SMC1B: variants seen among roughly 807,000 people sequenced by gnomAD.
SMC1B encodes structural maintenance of chromosomes 1B.
SMC1B carries 60 observed loss-of-function variants against 157.9 expected under a neutral mutation model. The observed-to-expected ratio is 0.38, with a 90% CI of 0.31 to 0.47. The LOEUF is 0.47. Among genes scored for constraint, SMC1B ranks in the 20% least tolerant of loss-of-function variants. The pLI is 0.99. For missense variants in SMC1B, 1,165 were observed against 1,426.2 expected, an observed-to-expected ratio of 0.82 and a Z score of 2.95; for synonymous variants, 445 against 483.0, an observed-to-expected ratio of 0.92 and a Z score of 1.03.
intron 19 of SMC1B, 42 bp downstream of exon 19, chr22:45,358,655 C>T (rs549625994): frequency 2.0e-5 from 23 of 1,137,314 alleles, no homozygotes; most frequent in African/African-American, 1.7e-4. Context: ...TTAAATATTC[C>T]GTATTACTGT....
At chr22:45,384,001 T>C (rs1375593513) in intron 11 of SMC1B, among the ~76,000 whole-genome samples, 1 of 152,206 alleles carries the variant, frequency 6.6e-6, no homozygotes, top group Non-Finnish European at 1.5e-5. Flanking sequence ...TTCACAGAAC[T>C]GGTATAAATT....
At chr22:45,407,871 T>C (rs572861814) in intron 2 of SMC1B, among the ~76,000 whole-genome samples, 1 of 152,302 alleles carries the variant, frequency 6.6e-6, no homozygotes, top group South Asian at 2.1e-4. Flanking sequence ...CACTGGTCTC[T>C]TTTCTATCCA....
intron 19 of SMC1B, among the ~76,000 whole-genome samples, chr22:45,356,429 T>C (rs2086670577): frequency 6.6e-6 from 1 of 152,234 alleles, no homozygotes; most frequent in African/African-American, 2.4e-5. Flanking sequence ...GAGACAGGTC[T>C]CAATCAATTT....
intron 6 of SMC1B, among the ~76,000 whole-genome samples, chr22:45,396,699 A>G (rs2087128685): frequency 6.6e-6 from 1 of 151,010 alleles, no homozygotes; most frequent in Admixed American, 6.6e-5. Context: ...ATTTATTTAT[A>G]TTTGAAACTT....
At chr22:45,355,329 C>T (rs371809380) in intron 19 of SMC1B, among the ~76,000 whole-genome samples, 11 of 152,146 alleles carry the variant, frequency 7.2e-5, no homozygotes, top group African/African-American at 2.4e-4. Context: ...CATTTCAGCT[C>T]ATTTTTTAAT....
intron 17 of SMC1B, among the ~76,000 whole-genome samples, chr22:45,360,500 A>G (rs2086710964): frequency 6.6e-6 from 1 of 152,198 alleles, no homozygotes; most frequent in African/African-American, 2.4e-5. Context: ...GTTTTTCAAG[A>G]ATATGAAGGG....
chr22:45,347,644 A>G (rs934376333), intron 23 of SMC1B, among the ~76,000 whole-genome samples: 119 of 152,302 alleles, frequency 7.8e-4, no homozygotes, highest in African/African-American at 2.7e-3. Flanking sequence ...AATAGAGACA[A>G]GGTCTCACTA....
chr22:45,368,954 C>A (rs2086802529), intron 15 of SMC1B, among the ~76,000 whole-genome samples: 1 of 152,092 alleles, frequency 6.6e-6, no homozygotes, highest in Non-Finnish European at 1.5e-5. Context: ...GGTAGGAAGC[C>A]TTTTTACTTT....
chr22:45,393,439 C>G (rs2087084845), intron 9 of SMC1B, among the ~76,000 whole-genome samples, 195 bp downstream of exon 9: 1 of 152,100 alleles, frequency 6.6e-6, no homozygotes. Context: ...TCTACAGCTA[C>G]TACTGGAAGT....
chr22:45,349,342 GTTTTGT>G (rs2086585712), intron 23 of SMC1B, among the ~76,000 whole-genome samples: 3 of 142,770 alleles, frequency 2.1e-5, no homozygotes, highest in African/African-American at 7.9e-5. Context: ...GTTTTGTTTT[GTTTTGT>G]TTTTTTGAGA....
At chr22:45,367,200 A>G (rs889629176) in intron 15 of SMC1B, among the ~76,000 whole-genome samples, 1 of 152,108 alleles carries the variant, frequency 6.6e-6, no homozygotes, top group African/African-American at 2.4e-5. Context: ...ATCTCTTCAC[A>G]TTAAAGGATT....
intron 4 of SMC1B, among the ~76,000 whole-genome samples, chr22:45,403,374 T>C (rs972790643): frequency 2.0e-5 from 3 of 152,222 alleles, no homozygotes; most frequent in Non-Finnish European, 4.4e-5. Flanking sequence ...AAATATGTAT[T>C]GAGTATCTAC....
chr22:45,362,165 T>C (rs569107668), intron 16 of SMC1B, among the ~76,000 whole-genome samples, 181 bp from the exon 17 acceptor site: 1 of 152,354 alleles, frequency 6.6e-6, no homozygotes, highest in African/African-American at 2.4e-5. Context: ...CTGGTGATCA[T>C]TACCTGCCTT....
rs975056897 is a variant in SMC1B, at chr22:45,408,913, A to G, written c.110-15T>C. ...ATTAGATTTTCCTGGGGAAGAAAAGAGATAAAACATTATTCATTCTTAATG... is the reference window on the plus strand; with the variant it reads ...ATTAGATTTTCCTGGGGAAGAAAAGGGATAAAACATTATTCATTCTTAATG... On this transcript the variant is annotated splice_polypyrimidine_tract_variant and intron_variant, in intron 1 of 24. Transcript: ENST00000357450. 1 of 1,435,600 alleles carries G rather than the reference A, an allele frequency of 7.0e-7. No homozygotes were observed. The highest frequency in any genetic ancestry group is 9.3e-7 in the Non-Finnish European group (1 of 1,076,148). The allele number at this position is 1,435,600 out of a possible 1,614,324, so 88.9% of individuals were successfully genotyped here.
At chr22:45,353,923 A>AAAAAAAAAAAAAAAAAAAC (rs1260500469) in intron 21 of SMC1B, 55 bp downstream of exon 21, 3 of 1,036,908 alleles carry the variant, frequency 2.9e-6, no homozygotes, top group East Asian at 2.9e-5. Flanking sequence ...AAAAAAAACA[A>AAAAAAAAAAAAAAAAAAAC]CCACCACCGG....
rs1475030260 is a variant in SMC1B, at chr22:45,406,768, A to C, written c.396T>G (p.Asn132Lys). 1 of 1,593,018 alleles carries C rather than the reference A, an allele frequency of 6.3e-7. No individual in the cohort carries two copies. The highest frequency in any genetic ancestry group is 2.2e-5 in the East Asian group (1 of 44,718). The stretch of plus-strand genomic sequence containing the variant: ...AGCTACTTACCTGAAAAACCAAACA[A>C]TTTTGTGCTTTGACTATTATGCCTA... ...EKIGIIVKAQ[N>K]CLVFQGTVES... The change falls in exon 3 of 25, where the codon AAT becomes AAG. Residue 132 changes from asparagine (N) to lysine (K), a missense_variant. By Grantham distance (94) the Asn-to-Lys change is moderately conservative (BLOSUM62 0). Coordinates refer to ENST00000357450, the MANE Select transcript of SMC1B (RefSeq NM_148674.5).
In SMC1B at chr22:45,344,193, TC is replaced by T. The variant is rs1456263948; in HGVS notation, c.*362del. 1 of 157,772 alleles carries T rather than the reference TC, an allele frequency of 6.3e-6. No individual in the cohort carries two copies. Among genetic ancestry groups the T allele is most frequent in the African/African-American group, 2.4e-5 (1 of 41,682 alleles). 9.8% of individuals were successfully genotyped at this position (157,772 alleles called of 1,614,324 possible). On this transcript the variant is annotated 3_prime_UTR_variant, in exon 25 of 25. Coordinates refer to ENST00000357450, the MANE Select transcript of SMC1B (RefSeq NM_148674.5). ...AGTATGTTTAAAAACCAAGAGAAGT[TC>T]CCTTCAAGATTACTTGGGTGCAAGG...
intron 2 of SMC1B, 56 bp downstream of exon 2, chr22:45,408,654 G>A: frequency 2.4e-6 from 3 of 1,226,882 alleles, no homozygotes; most frequent in African/African-American, 3.1e-5. Context: ...AAGAAAAAAT[G>A]GGCAATCTTA....
chr22:45,393,769 C>T lies in SMC1B; in HGVS notation c.1410G>A (p.Met470Ile). 6.2e-7 allele frequency: 1 copy of T among 1,613,812 alleles called. No homozygotes were observed. Among genetic ancestry groups the T allele is most frequent in the Non-Finnish European group, 8.5e-7 (1 of 1,179,754 alleles). Reference sequence around the variant, plus strand: ...GATTCAATTCTTCATTAACTTCAGACATTCTTGATTTTGTTTTTTCAATTT... The same window carrying T: ...GATTCAATTCTTCATTAACTTCAGATATTCTTGATTTTGTTTTTTCAATTT... ...VDEIEKTKSR[M>I]SEVNEELNLI... The change falls in exon 9 of 25, where the codon ATG becomes ATA. Residue 470 changes from methionine to isoleucine, a missense_variant. Transcript: ENST00000357450.
Sources: gnomAD v4.1 joint callset for allele counts (sites outside exome capture counted in the v4.1 genomes callset) on GRCh38, gnomAD v4.1.1 for gene constraint, MANE v1.5 for transcripts, NCBI Gene and HGNC (gene_info 2026-07-23, HGNC 2026-07-21) for gene names.